Variants in BTBD9 observed in about 807,000 individuals in gnomAD.
The protein encoded by BTBD9 is BTB/POZ domain-containing protein 9.
BTBD9 carries 49 observed loss-of-function variants against 64.3 expected under a neutral mutation model. The observed-to-expected ratio is 0.76, with a 90% confidence interval of 0.61 to 0.97. The LOEUF is 0.97. Ranked by LOEUF, BTBD9 falls within the 50% of genes least tolerant of loss-of-function variation. The pLI is 0.00. For missense variants in BTBD9, 598 were observed against 762.1 expected (o/e 0.78, Z 2.53); for synonymous variants, 260 against 274.7 (o/e 0.95, Z 0.53).
chr6:38,192,878 A>G (rs535863267), intron 9 of BTBD9, among the ~76,000 whole-genome samples: 77 of 129,330 alleles, frequency 6.0e-4, no homozygotes, highest in Admixed American at 2.4e-3. Context: ...AAACAAGCAC[A>G]AAGGGCAGAC....
At chr6:38,238,536 G>T (rs554179653) in intron 9 of BTBD9, among the ~76,000 whole-genome samples, 1 of 142,990 alleles carries the variant, frequency 7.0e-6, no homozygotes, top group African/African-American at 2.6e-5. Context: ...GCAGTGGCAC[G>T]ATCTCGGCTC....
intron 8 of BTBD9, among the ~76,000 whole-genome samples, chr6:38,263,308 T>C (rs1319793193): frequency 6.6e-6 from 1 of 152,264 alleles, no homozygotes; most frequent in Non-Finnish European, 1.5e-5. Flanking sequence ...ACATTAAATG[T>C]CGAGATTTGA....
intron 10 of BTBD9, among the ~76,000 whole-genome samples, chr6:38,181,002 T>C (rs890720500): frequency 1.3e-5 from 2 of 152,230 alleles, no homozygotes; most frequent in African/African-American, 4.8e-5. Context: ...TCCCCGTGAA[T>C]CCTGGACAGG....
intron 7 of BTBD9, among the ~76,000 whole-genome samples, chr6:38,324,253 G>T (rs906327721): frequency 3.3e-5 from 5 of 152,088 alleles, no homozygotes; most frequent in Non-Finnish European, 7.4e-5. Flanking sequence ...TTAGAGATAG[G>T]CCAAGAAAAT....
intron 6 of BTBD9, among the ~76,000 whole-genome samples, chr6:38,512,781 A>T (rs1203888111): frequency 6.6e-6 from 1 of 152,236 alleles, no homozygotes; most frequent in South Asian, 2.1e-4. Context: ...ATTACAAACC[A>T]TTCTTTATAT....
intron 7 of BTBD9, among the ~76,000 whole-genome samples, chr6:38,330,563 T>TA (rs547565689): frequency 6.6e-6 from 1 of 151,292 alleles, no homozygotes; most frequent in Admixed American, 6.6e-5. Context: ...ACGCCATCTC[T>TA]AAAAAAAAAT....
intron 6 of BTBD9, among the ~76,000 whole-genome samples, chr6:38,460,562 T>G (rs767341149): frequency 6.6e-6 from 1 of 152,230 alleles, no homozygotes; most frequent in Non-Finnish European, 1.5e-5. Context: ...ACATACCATA[T>G]AGACACTCAG....
chr6:38,346,474 C>G (rs1397755261), intron 6 of BTBD9, among the ~76,000 whole-genome samples: 1 of 152,042 alleles, frequency 6.6e-6, no homozygotes, highest in Non-Finnish European at 1.5e-5. Context: ...GTGCTCACAC[C>G]TACTGCAAGG....
At chr6:38,275,907 A>C (rs1330109829) in intron 8 of BTBD9, among the ~76,000 whole-genome samples, 3 of 151,846 alleles carry the variant, frequency 2.0e-5, no homozygotes, top group Non-Finnish European at 1.5e-5. Context: ...GTGGGACTGT[A>C]AACTAGTTCA....
At chr6:38,564,684 T>C (rs766973610) in intron 6 of BTBD9, among the ~76,000 whole-genome samples, 26 of 152,184 alleles carry the variant, frequency 1.7e-4, no homozygotes, top group South Asian at 1.0e-3. Context: ...GTCTGGAGAT[T>C]GAGACCATCC....
At chr6:38,314,035 C>G (rs1320553365) in intron 7 of BTBD9, among the ~76,000 whole-genome samples, 1 of 151,710 alleles carries the variant, frequency 6.6e-6, no homozygotes, top group African/African-American at 2.4e-5. Context: ...GCCACTGTGC[C>G]TGGTGAATGA....
chr6:38,312,896 T>C (rs1762890776), intron 7 of BTBD9, among the ~76,000 whole-genome samples: 1 of 152,204 alleles, frequency 6.6e-6, no homozygotes, highest in African/African-American at 2.4e-5. Flanking sequence ...CCAGGTCTTT[T>C]GTGGTTCCAT....
chr6:38,204,150 G>GA (rs1419805470), intron 9 of BTBD9, among the ~76,000 whole-genome samples: 1 of 152,162 alleles, frequency 6.6e-6, no homozygotes, highest in Non-Finnish European at 1.5e-5. Flanking sequence ...GGCCACTTTG[G>GA]AAAACAACCT....
At chr6:38,634,691 T>G (rs185143400) in intron 1 of BTBD9, among the ~76,000 whole-genome samples, 114 of 152,166 alleles carry the variant, frequency 7.5e-4, no homozygotes, top group African/African-American at 2.7e-3. Flanking sequence ...AAATTAGAAA[T>G]CATATCCTCC....
At chr6:38,401,098 C>T (rs1455918786) in intron 6 of BTBD9, among the ~76,000 whole-genome samples, 1 of 152,194 alleles carries the variant, frequency 6.6e-6, no homozygotes, top group African/African-American at 2.4e-5. Flanking sequence ...TCTGTGTCCT[C>T]ACCCAAATCT....
intron 1 of BTBD9, among the ~76,000 whole-genome samples, chr6:38,601,078 C>T (rs992481229): frequency 6.6e-6 from 1 of 152,112 alleles, no homozygotes; most frequent in Non-Finnish European, 1.5e-5. Flanking sequence ...TCGAGTCCCA[C>T]TCATCAGAGA....
intron 4 of BTBD9, chr6:38,587,859 A>G (rs1270615302): frequency 1.4e-6 from 1 of 721,994 alleles, no homozygotes; most frequent in Non-Finnish European, 2.6e-6. Context: ...AACCAAGATG[A>G]AATAAAAAAT....
chr6:38,170,634 C>G lies in BTBD9; in HGVS notation c.*4351G>C, dbSNP rs1054457294. 1 of 152,228 alleles carries G rather than the reference C, an allele frequency of 6.6e-6. No homozygotes were observed. The highest frequency in any genetic ancestry group is 1.5e-5 in the Non-Finnish European group (1 of 68,050). The allele number at this position is 152,228 out of a possible 1,614,324, so 9.4% of individuals were successfully genotyped here. On this transcript the variant is annotated 3_prime_UTR_variant, in exon 11 of 11. Transcript: ENST00000481247. Reference sequence around the variant, plus strand: ...CCAGTTGTCCTGCATGCCATTTAAACCTTGCCCTTCCCTCTCTTCTGGAAA... The same window carrying G: ...CCAGTTGTCCTGCATGCCATTTAAAGCTTGCCCTTCCCTCTCTTCTGGAAA...
rs191261197 is a variant in BTBD9 at position 38,258,047 on chromosome 6, G to A, written c.1455-1531C>T. On this transcript the variant is annotated intron_variant, in intron 8 of 10. Coordinates refer to ENST00000481247, the MANE Select transcript of BTBD9 (RefSeq NM_001099272.2). ...GTCTCCTGGGCTGGAGTGTAATGGC[G>A]CGATCTCGGCTCATTGCAACCTCCG... Among the ~76,000 whole-genome samples, 240 of 151,814 alleles carry A rather than the reference G, an allele frequency of 1.6e-3. 1 individual carries two copies. Among genetic ancestry groups the A allele is most frequent in the African/African-American group, 5.1e-3 (211 of 41,374 alleles).
Sources: gnomAD v4.1 joint callset for allele counts (sites outside exome capture counted in the v4.1 genomes callset) on GRCh38, gnomAD v4.1.1 for gene constraint, MANE v1.5 for transcripts, NCBI Gene and HGNC (gene_info 2026-07-23, HGNC 2026-07-21) for gene names.